The following CPT1A variants were observed in gnomAD, a reference collection of about 807,000 sequenced individuals.
CPT1A encodes carnitine O-palmitoyltransferase 1, liver isoform.
Under a neutral mutation model 100.8 loss-of-function variants are expected in CPT1A, and 64 were observed. The ratio of observed to expected loss-of-function variants is 0.63; its 90% confidence interval spans 0.52 to 0.78. The LOEUF (loss-of-function observed/expected upper bound fraction) is 0.78. CPT1A is among the 30% of genes least tolerant of loss of function. The pLI is 0.00. For missense variants in CPT1A, 802 were observed against 1,034.1 expected (o/e 0.78, Z 3.08); for synonymous variants, 363 against 396.0 (o/e 0.92, Z 0.99).
At chr11:68,800,825 C>T (rs1855886843) in intron 5 of CPT1A, among the ~76,000 whole-genome samples, 8 of 152,158 alleles carry the variant, frequency 5.3e-5, no homozygotes, top group Admixed American at 5.2e-4. Context: ...CTTAAAAGGG[C>T]CAGCTGTAGC....
In CPT1A at chr11:68,807,471, C is replaced by T; in HGVS notation, c.449G>A (p.Trp150Ter). ...HGKMSRATKI[W>*]MGMVKIFSGR... ...GCCAGAGGGACACGCAATTACCATC[C>T]AGATCTTGGTGGCACGACTCATCTT... The change falls in exon 4 of 19, where the codon TGG becomes TAG. Residue 150 changes from tryptophan to a stop codon, truncating the protein, a stop_gained. Coordinates refer to ENST00000265641, the MANE Select transcript of CPT1A (RefSeq NM_001876.4). LOFTEE classifies it high-confidence loss of function. The T allele has an allele frequency of 6.2e-7, 1 of 1,614,020 alleles. No homozygotes were observed. Among genetic ancestry groups the T allele is most frequent in the Non-Finnish European group, 8.5e-7 (1 of 1,179,974 alleles).
chr11:68,771,404 GCTT>G (rs1170758383), intron 14 of CPT1A, among the ~76,000 whole-genome samples: 1 of 152,150 alleles, frequency 6.6e-6, no homozygotes, highest in Non-Finnish European at 1.5e-5. Context: ...GGTATCAACT[GCTT>G]GCATGCCCTC....
intron 12 of CPT1A, among the ~76,000 whole-genome samples, chr11:68,779,262 T>C (rs549001202): frequency 6.6e-6 from 1 of 152,102 alleles, no homozygotes; most frequent in South Asian, 2.1e-4. Context: ...AAGATGGTCT[T>C]TATAGTCAAT....
chr11:68,757,571 C>A lies in CPT1A; in HGVS notation c.*73G>T. 2.5e-6 allele frequency: 4 copies of A among 1,611,276 alleles called. No individual in the cohort carries two copies. The highest frequency in any genetic ancestry group is 1.1e-5 in the South Asian group (1 of 90,772). ...GCAGTGTTTCATCCCGAGCTAAGGT[C>A]AGGATTAATGCCTATTTTTCATTTG... On this transcript the variant is annotated 3_prime_UTR_variant, in exon 19 of 19. Transcript: ENST00000265641.
At chr11:68,787,539 T>C (rs1025536258) in intron 9 of CPT1A, among the ~76,000 whole-genome samples, 2 of 152,150 alleles carry the variant, frequency 1.3e-5, no homozygotes, top group African/African-American at 4.8e-5. Context: ...CATTCATATA[T>C]TGAAATCCTA....
Position 68,775,318 on chromosome 11 carries a change from C to T in CPT1A, c.1573G>A (p.Glu525Lys). ...ATGGTTGGATAATCCGGACTTACTT[C>T]CCCCGGGATGTCCCACTGCAGCCTG... ...PTRLQWDIPG[E>K]CQEVIETSLN... Residue 525 changes from glutamate (E) to lysine (K), a missense_variant and splice_region_variant, in exon 13 of 19, where the codon GAA becomes AAA. Glu to Lys is a moderately conservative substitution (Grantham distance 56). This residue lies in a region of CPT1A where 627 missense variants were observed against 799.3 expected (regional missense o/e 0.78). Coordinates refer to ENST00000265641, the MANE Select transcript of CPT1A (RefSeq NM_001876.4). The T allele has an allele frequency of 6.2e-7, 1 of 1,609,238 alleles. No homozygotes were observed. Among genetic ancestry groups the T allele is most frequent in the South Asian group, 1.1e-5 (1 of 90,958 alleles).
chr11:68,824,980 A>G (rs1211620248), intron 1 of CPT1A, among the ~76,000 whole-genome samples: 2 of 151,858 alleles, frequency 1.3e-5, no homozygotes, highest in East Asian at 3.9e-4. Context: ...TGTATTTTCA[A>G]TATAGCCCAG....
At chr11:68,818,852 T>C (rs1856503021) in intron 1 of CPT1A, among the ~76,000 whole-genome samples, 2 of 69,442 alleles carry the variant, frequency 2.9e-5, no homozygotes, top group South Asian at 1.3e-3. Flanking sequence ...AGTGAGACCC[T>C]ATCTCAACAA....
chr11:68,842,045 G>A, upstream of CPT1A: 1 of 851,984 alleles, frequency 1.2e-6, no homozygotes, highest in Non-Finnish European at 1.4e-6. Flanking sequence ...GCTCGAGCGG[G>A]TGCTCGCGTC....
chr11:68,838,588 A>AAAAAAAAAC (rs1857078988), intron 1 of CPT1A, among the ~76,000 whole-genome samples: 1 of 149,102 alleles, frequency 6.7e-6, no homozygotes, highest in African/African-American at 2.5e-5. Context: ...AAAAAAAAAA[A>AAAAAAAAAC]AAACAGAGAC....
rs919112145 is a variant in CPT1A at position 68,756,489 on chromosome 11, G to C, written c.*1155C>G. 2.6e-5 allele frequency: 4 copies of C among 152,228 alleles called. No individual in the cohort carries two copies. The highest frequency in any genetic ancestry group is 2.6e-4 in the Admixed American group (4 of 15,276). 9.4% of individuals were successfully genotyped at this position (152,228 alleles called of 1,614,324 possible). A position where few individuals can be genotyped will look rare whatever the true frequency, so the allele number is the denominator to read the frequency against. On this transcript the variant is annotated 3_prime_UTR_variant, in exon 19 of 19. Coordinates refer to ENST00000265641, the MANE Select transcript of CPT1A (RefSeq NM_001876.4). ...GGTCACCAAGGTGAGCCGGCATACTGTCTCCATCACCCTCTGGTGAGTCTT... is the reference window on the plus strand; with the variant it reads ...GGTCACCAAGGTGAGCCGGCATACTCTCTCCATCACCCTCTGGTGAGTCTT...
chr11:68,787,639 C>T (rs979390974), intron 9 of CPT1A, among the ~76,000 whole-genome samples: 6 of 151,666 alleles, frequency 4.0e-5, no homozygotes, highest in Non-Finnish European at 7.4e-5. Flanking sequence ...TGACTGTGTC[C>T]TTTTAAGAAG....
chr11:68,829,542 A>C (rs2154002496), intron 1 of CPT1A, among the ~76,000 whole-genome samples: 1 of 152,348 alleles, frequency 6.6e-6, no homozygotes. Context: ...AGAAAAGAGG[A>C]GGAAGAAAAG....
At chr11:68,806,796 G>A (rs879392279) in intron 4 of CPT1A, among the ~76,000 whole-genome samples, 4 of 152,054 alleles carry the variant, frequency 2.6e-5, no homozygotes, top group South Asian at 2.1e-4. Flanking sequence ...AGGCATGGTG[G>A]TGCATGCCTG....
intron 17 of CPT1A, 63 bp downstream of exon 17, chr11:68,760,162 A>G (rs1946775768): frequency 8.5e-7 from 1 of 1,181,882 alleles, no homozygotes; most frequent in Admixed American, 2.0e-5. Context: ...TGGGCCCATC[A>G]CACCCCATTA....
chr11:68,755,710 C>CTTTTTTTTTTTT lies in CPT1A; in HGVS notation c.*1922_*1933dup, dbSNP rs750569368. 9.0e-6 allele frequency: 1 copy of CTTTTTTTTTTTT among 111,148 alleles called. No individual in the cohort carries two copies. Among genetic ancestry groups the CTTTTTTTTTTTT allele is most frequent in the Non-Finnish European group, 1.8e-5 (1 of 55,636 alleles). 6.9% of individuals were successfully genotyped at this position (111,148 alleles called of 1,614,324 possible). ...ACGCATGAGCCACCGCGCCTGGACGCTTTTTTTTTTTTTTTTGTCTTTTGT... is the reference window on the plus strand; with the variant it reads ...ACGCATGAGCCACCGCGCCTGGACGCTTTTTTTTTTTTTTTTTTTTTTTTTTTTGTCTTTTGT... On this transcript the variant is annotated 3_prime_UTR_variant, in exon 19 of 19. Transcript: ENST00000265641.
chr11:68,811,629 C>T (rs765861878), intron 3 of CPT1A, among the ~76,000 whole-genome samples: 5 of 152,140 alleles, frequency 3.3e-5, no homozygotes, highest in African/African-American at 7.2e-5. Flanking sequence ...CTAGCTTCCC[C>T]GCTCCCTCTT....
chr11:68,807,596 C>T lies in CPT1A; in HGVS notation c.324G>A (p.Val108=). The T allele has an allele frequency of 6.2e-7, 1 of 1,614,198 alleles. No individual in the cohort carries two copies. The highest frequency in any genetic ancestry group is 8.5e-7 in the Non-Finnish European group (1 of 1,180,044). ...SSQTKNVVSG[V]LFGTGLWVAL... ...CCACCCACAGGCCGGTGCCAAACAG[C>T]ACGCCGCTGACCACGTTCTTCGTCT... Residue 108 remains valine, a synonymous_variant, in exon 4 of 19, where the codon GTG becomes GTA. Transcript: ENST00000265641.
intron 13 of CPT1A, chr11:68,773,725 G>T: frequency 2.5e-6 from 1 of 394,150 alleles, no homozygotes; most frequent in Non-Finnish European, 4.8e-6. Flanking sequence ...AGGTGGTTGT[G>T]AACTGTCTCT....
Sources: allele counts gnomAD v4.1 joint callset (sites outside exome capture counted in the v4.1 genomes callset), GRCh38; gene constraint gnomAD v4.1.1; regional missense constraint gnomAD v4.1.1; transcripts MANE v1.5; gene names NCBI Gene and HGNC (gene_info 2026-07-23, HGNC 2026-07-21).